Variants in FAT3 observed in about 807,000 individuals in gnomAD.
FAT3 encodes the protein protocadherin Fat 3.
A neutral mutation model predicts 310.2 loss-of-function variants in FAT3; 95 were observed. The ratio of observed to expected loss-of-function variants is 0.31; its 90% CI spans 0.26 to 0.36. The LOEUF (loss-of-function observed/expected upper bound fraction) is 0.36. Ranked by LOEUF, FAT3 falls within the 10% of genes least tolerant of loss-of-function variation. The probability of loss-of-function intolerance (pLI) is 1.00; values close to 1 mark genes in which losing one functional copy is unlikely to be tolerated. For missense variants in FAT3, 5,408 were observed against 5,715.6 expected, an observed-to-expected ratio of 0.95 and a Z score of 1.74; for synonymous variants, 2,314 against 2,192.9, an observed-to-expected ratio of 1.06 and a Z score of -1.54.
chr11:92,393,190 G>T (rs1314832703), intron 2 of FAT3, among the ~76,000 whole-genome samples: 1 of 152,078 alleles, frequency 6.6e-6, no homozygotes, highest in African/African-American at 2.4e-5. Flanking sequence ...AGAGACCTAT[G>T]GAAGGCAGAT....
intron 3 of FAT3, among the ~76,000 whole-genome samples, chr11:92,668,499 G>A (rs1047325285): frequency 2.0e-5 from 3 of 152,180 alleles, no homozygotes; most frequent in Non-Finnish European, 2.9e-5. Context: ...AGATTGCCAT[G>A]GGGATGGAGA....
rs1318708692 is a variant in FAT3, at chr11:92,892,962, C to T, written c.*1849C>T. ...AGATTACGGCCGCCTGTGCAGTGGC[C>T]ATGGTAAATATATGCATATTTGCAC... On this transcript the variant is annotated 3_prime_UTR_variant, in exon 28 of 28. Transcript: ENST00000525166. The T allele has an allele frequency of 6.6e-6, 1 of 152,094 alleles. No homozygotes were observed. The highest frequency in any genetic ancestry group is 2.1e-4 in the South Asian group (1 of 4,824). 9.4% of individuals were successfully genotyped at this position (152,094 alleles called of 1,614,324 possible). A position where few individuals can be genotyped will look rare whatever the true frequency, so the allele number is the denominator to read the frequency against.
chr11:92,621,385 A>G (rs1273648294), intron 3 of FAT3, among the ~76,000 whole-genome samples: 1 of 152,224 alleles, frequency 6.6e-6, no homozygotes, highest in African/African-American at 2.4e-5. Context: ...TTCCAGATGG[A>G]CAAAATCGCT....
Position 92,890,592 on chromosome 11 carries a change from G to C in FAT3, c.13249G>C (p.Gly4417Arg), listed in dbSNP as rs1949894854. The C allele has an allele frequency of 3.1e-6, 5 of 1,613,848 alleles. No individual in the cohort carries two copies. The highest frequency in any genetic ancestry group is 4.2e-6 in the Non-Finnish European group (5 of 1,179,882). Residue 4417 changes from glycine (G) to arginine (R), a missense_variant, in exon 28 of 28, where the codon GGG (glycine) becomes CGG (arginine). Coordinates refer to ENST00000525166, the MANE Select transcript of FAT3 (RefSeq NM_001367949.2). ...ENQDGGSAHQ[G>R]STRELESDYY... ...CCAGGATGGAGGGTCTGCACACCAG[G>C]GGAGCACACGGGAGCTGGAGAGCGA...
chr11:92,241,475 T>A (rs2134253136), intron 1 of FAT3, among the ~76,000 whole-genome samples: 1 of 152,258 alleles, frequency 6.6e-6, no homozygotes, highest in African/African-American at 2.4e-5. Context: ...ATAGATATTT[T>A]ATTTACCTGC....
chr11:92,604,014 C>T (rs984095715), intron 3 of FAT3, among the ~76,000 whole-genome samples: 2 of 152,288 alleles, frequency 1.3e-5, no homozygotes, highest in South Asian at 4.1e-4. Flanking sequence ...TCCTGTGAAG[C>T]GGGCACCAAC....
At chr11:92,516,130 T>A (rs1205249271) in intron 2 of FAT3, among the ~76,000 whole-genome samples, 1 of 152,094 alleles carries the variant, frequency 6.6e-6, no homozygotes, top group Non-Finnish European at 1.5e-5. Flanking sequence ...CTTCCCTAAC[T>A]CATGTTATGA....
At chr11:92,376,868 G>T (rs371533447) in intron 2 of FAT3, among the ~76,000 whole-genome samples, 2 of 152,168 alleles carry the variant, frequency 1.3e-5, no homozygotes, top group East Asian at 3.8e-4. Flanking sequence ...TGAGCAAGAC[G>T]CTGCTGAATT....
At chr11:92,843,065 G>C (rs1388280667) in intron 18 of FAT3, among the ~76,000 whole-genome samples, 1 of 146,592 alleles carries the variant, frequency 6.8e-6, no homozygotes. Flanking sequence ...AAAAACTGAG[G>C]CTTAGAGAAG....
chr11:92,774,940 A>C (rs764098818), intron 7 of FAT3, among the ~76,000 whole-genome samples: 10 of 152,224 alleles, frequency 6.6e-5, no homozygotes, highest in Non-Finnish European at 1.0e-4. Context: ...GCACAATGTT[A>C]GATAACAATA....
intron 3 of FAT3, among the ~76,000 whole-genome samples, chr11:92,650,604 G>A (rs932574793): frequency 8.5e-5 from 13 of 152,108 alleles, no homozygotes; most frequent in Non-Finnish European, 1.5e-4. Flanking sequence ...TTTTTGTGGT[G>A]TAAATACTCC....
At chr11:92,277,427 C>T (rs902464165) in intron 1 of FAT3, among the ~76,000 whole-genome samples, 3 of 151,996 alleles carry the variant, frequency 2.0e-5, no homozygotes, top group Non-Finnish European at 2.9e-5. Context: ...TATTGCAGCA[C>T]GATTCACAAC....
At chr11:92,426,995 T>A (rs1950649607) in intron 2 of FAT3, among the ~76,000 whole-genome samples, 1 of 152,204 alleles carries the variant, frequency 6.6e-6, no homozygotes, top group Admixed American at 6.5e-5. Flanking sequence ...CTATTGATTC[T>A]TCCTATCCAT....
chr11:92,435,859 G>A (rs1353854588), intron 2 of FAT3, among the ~76,000 whole-genome samples: 3 of 151,984 alleles, frequency 2.0e-5, no homozygotes, highest in African/African-American at 7.2e-5. Flanking sequence ...GAGCCACTGT[G>A]CCCAGCCTCT....
chr11:92,432,777 C>A (rs1950821190), intron 2 of FAT3, among the ~76,000 whole-genome samples: 1 of 152,186 alleles, frequency 6.6e-6, no homozygotes, highest in South Asian at 2.1e-4. Context: ...GGGAGATCTG[C>A]TGCCCTCTTC....
intron 24 of FAT3, among the ~76,000 whole-genome samples, chr11:92,884,779 G>C (rs1294354858): frequency 6.6e-6 from 1 of 152,182 alleles, no homozygotes; most frequent in Admixed American, 6.5e-5. Flanking sequence ...CTGTTGTTCA[G>C]GTGAGAGGTC....
intron 12 of FAT3, among the ~76,000 whole-genome samples, chr11:92,806,726 G>T (rs926380617): frequency 3.3e-5 from 5 of 152,310 alleles, no homozygotes; most frequent in African/African-American, 1.2e-4. Context: ...ATTTACTTAT[G>T]TGAACGTGGG....
At chr11:92,651,571 T>G (rs1425819479) in intron 3 of FAT3, among the ~76,000 whole-genome samples, 1 of 152,202 alleles carries the variant, frequency 6.6e-6, no homozygotes, top group Non-Finnish European at 1.5e-5. Flanking sequence ...CACTTTTTTT[T>G]GTCTTAAAAT....
At chr11:92,857,434 C>A in intron 20 of FAT3, 86 bp downstream of exon 20, 33 of 1,564,344 alleles carry the variant, frequency 2.1e-5, no homozygotes, top group Non-Finnish European at 2.9e-5. Flanking sequence ...CCAAGTCCTC[C>A]CAGAAAACGT....
Sources: gnomAD v4.1 joint callset for allele counts (sites outside exome capture counted in the v4.1 genomes callset) on GRCh38, gnomAD v4.1.1 for gene constraint, MANE v1.5 for transcripts, NCBI Gene and HGNC (gene_info 2026-07-23, HGNC 2026-07-21) for gene names.